FRMD4A: variants seen among roughly 807,000 people sequenced by gnomAD.
FRMD4A encodes the protein FERM domain-containing protein 4A.
In FRMD4A, 29 loss-of-function variants were observed where a neutral mutation model predicts 129.1. The ratio of observed to expected loss-of-function variants is 0.22; its 90% CI spans 0.17 to 0.31. FRMD4A has a LOEUF of 0.31. Ranked by LOEUF, FRMD4A falls within the 10% of genes least tolerant of loss-of-function variation. FRMD4A has a pLI of 1.00. For synonymous variants in FRMD4A, 634 were observed against 571.6 expected (o/e 1.11, Z -1.56); for missense variants, 1,272 against 1,375.8 (o/e 0.92, Z 1.19).
At chr10:13,868,666 G>C (rs2094403601) in intron 2 of FRMD4A, among the ~76,000 whole-genome samples, 1 of 152,094 alleles carries the variant, frequency 6.6e-6, no homozygotes, top group Non-Finnish European at 1.5e-5. Flanking sequence ...GGGCATGGCG[G>C]TGTGTGCCTA....
intron 2 of FRMD4A, among the ~76,000 whole-genome samples, chr10:14,144,698 G>T (rs1839993745): frequency 6.6e-6 from 1 of 152,134 alleles, no homozygotes; most frequent in South Asian, 2.1e-4. Flanking sequence ...GTAGAGATGG[G>T]ATAGTCGTCC....
At chr10:13,801,909 A>T (rs1196382543) in intron 4 of FRMD4A, among the ~76,000 whole-genome samples, 1 of 149,116 alleles carries the variant, frequency 6.7e-6, no homozygotes. Flanking sequence ...TCCTTAATAC[A>T]GTTTAACTAA....
At chr10:13,689,651 C>G (rs2085483218) in intron 15 of FRMD4A, among the ~76,000 whole-genome samples, 2 of 150,572 alleles carry the variant, frequency 1.3e-5, no homozygotes, top group South Asian at 4.2e-4. Flanking sequence ...CTCCTGGGCT[C>G]ACGTGATCCT....
In FRMD4A at chr10:13,903,263, C is replaced by G. The variant is rs939720537; in HGVS notation, c.46-44351G>C. ...GCTCCCCCCGTTCCTAATCCCTTTCCTAGTTTGTCTCCATTCTTTCTTTTG... is the reference window on the plus strand; with the variant it reads ...GCTCCCCCCGTTCCTAATCCCTTTCGTAGTTTGTCTCCATTCTTTCTTTTG... On this transcript the variant is annotated intron_variant, in intron 2 of 24. Transcript: ENST00000357447. 1.2e-4 allele frequency among the ~76,000 whole-genome samples: 18 copies of G among 152,196 alleles called. 1 individual carries two copies. The highest frequency in any genetic ancestry group is 4.1e-4 in the African/African-American group (17 of 41,450).
intron 2 of FRMD4A, among the ~76,000 whole-genome samples, chr10:14,039,328 G>A (rs1360523826): frequency 6.6e-6 from 1 of 151,986 alleles, no homozygotes; most frequent in Non-Finnish European, 1.5e-5. Context: ...TAATTGCTAA[G>A]TAAGATCTTT....
chr10:13,680,089 C>T (rs1412382385), intron 15 of FRMD4A, among the ~76,000 whole-genome samples: 1 of 152,170 alleles, frequency 6.6e-6, no homozygotes, highest in Non-Finnish European at 1.5e-5. Context: ...TGCCTTGATG[C>T]CCTCAAGTGA....
Position 13,968,720 on chromosome 10 carries a change from C to T in FRMD4A, c.46-109808G>A, listed in dbSNP as rs367841371. The stretch of plus-strand genomic sequence containing the variant: ...CCACCCACCTTGGCCTCCCAAAGTG[C>T]TAGGATTACAGGCGTGAGCCACTGC... On this transcript the variant is annotated intron_variant, in intron 2 of 24. Coordinates refer to ENST00000357447, the MANE Select transcript of FRMD4A (RefSeq NM_018027.5). Among the ~76,000 whole-genome samples, 4 of 152,338 alleles carry T rather than the reference C, an allele frequency of 2.6e-5. No homozygotes were observed. The East Asian group carries it at 7.7e-4, about 29-fold the overall frequency.
intron 15 of FRMD4A, among the ~76,000 whole-genome samples, chr10:13,691,913 G>A (rs1321841326): frequency 6.6e-6 from 1 of 152,170 alleles, no homozygotes; most frequent in Non-Finnish European, 1.5e-5. Context: ...ATTCGAGGTA[G>A]GGGTCTTGGT....
Position 13,777,947 on chromosome 10 carries a change from C to T in FRMD4A, c.384+4975G>A, listed in dbSNP as rs568518412. Among the ~76,000 whole-genome samples, 112 of 151,948 alleles carry T rather than the reference C, an allele frequency of 7.4e-4. 1 individual carries two copies. Among genetic ancestry groups the T allele is most frequent in the African/African-American group, 2.5e-3 (105 of 41,428 alleles). On this transcript the variant is annotated intron_variant, in intron 6 of 24. Coordinates refer to ENST00000357447, the MANE Select transcript of FRMD4A (RefSeq NM_018027.5). ...CCTCCCGAGTAGCTGGGATTACAGGCGCCTGCCACCACGCCCGGCTAACTT... is the reference window on the plus strand; with the variant it reads ...CCTCCCGAGTAGCTGGGATTACAGGTGCCTGCCACCACGCCCGGCTAACTT...
At chr10:13,680,707 C>A (rs760542635) in intron 15 of FRMD4A, among the ~76,000 whole-genome samples, 8 of 151,268 alleles carry the variant, frequency 5.3e-5, no homozygotes, top group Non-Finnish European at 1.0e-4. Context: ...GCCGGGGTGA[C>A]AGAGCGAGAC....
chr10:13,778,389 A>T (rs1228583179), intron 6 of FRMD4A, among the ~76,000 whole-genome samples: 2 of 152,140 alleles, frequency 1.3e-5, no homozygotes, highest in Non-Finnish European at 2.9e-5. Context: ...AAAACCCCAA[A>T]ATGCTGTCCT....
chr10:13,968,577 C>T (rs150311004), intron 2 of FRMD4A, among the ~76,000 whole-genome samples: 2,404 of 152,268 alleles, frequency 0.016, 67 homozygotes, highest in African/African-American at 0.054. Context: ...CTCAGCCTCC[C>T]GAGTACCTGG....
intron 2 of FRMD4A, among the ~76,000 whole-genome samples, chr10:14,281,829 A>G (rs1276103168): frequency 6.6e-6 from 1 of 152,222 alleles, no homozygotes; most frequent in Non-Finnish European, 1.5e-5. Flanking sequence ...TAGGTGGGGT[A>G]AACTCAAACA....
At chr10:14,080,850 C>T (rs1340397540) in intron 2 of FRMD4A, among the ~76,000 whole-genome samples, 2 of 151,594 alleles carry the variant, frequency 1.3e-5, no homozygotes, top group African/African-American at 4.8e-5. Flanking sequence ...AGGAACTGAT[C>T]TCCAGGAGAT....
intron 2 of FRMD4A, among the ~76,000 whole-genome samples, chr10:14,295,043 C>G (rs1012775357): frequency 1.3e-5 from 2 of 152,318 alleles, no homozygotes; most frequent in African/African-American, 4.8e-5. Flanking sequence ...GATTAATTCT[C>G]TCCCTCGTTA....
At chr10:14,136,351 A>C (rs535071556) in intron 2 of FRMD4A, among the ~76,000 whole-genome samples, 2 of 152,300 alleles carry the variant, frequency 1.3e-5, no homozygotes, top group East Asian at 3.9e-4. Flanking sequence ...GTGGACCTTG[A>C]GATGTTAACC....
At chr10:14,195,860 A>G (rs1432164550) in intron 2 of FRMD4A, among the ~76,000 whole-genome samples, 1 of 152,232 alleles carries the variant, frequency 6.6e-6, no homozygotes, top group Non-Finnish European at 1.5e-5. Flanking sequence ...GTCCTGTCAC[A>G]GTTCTTCACT....
intron 2 of FRMD4A, among the ~76,000 whole-genome samples, chr10:14,223,325 C>T (rs1308157859): frequency 6.6e-6 from 1 of 152,176 alleles, no homozygotes; most frequent in Non-Finnish European, 1.5e-5. Context: ...TTCCTTTCTT[C>T]CCCCATATCT....
chr10:13,806,538 A>ACC (rs1474190399), intron 4 of FRMD4A, among the ~76,000 whole-genome samples: 1 of 152,126 alleles, frequency 6.6e-6, no homozygotes, highest in Non-Finnish European at 1.5e-5. Context: ...TCGTTGCTAG[A>ACC]CCCCAACATT....
Sources: gnomAD v4.1 joint callset for allele counts (sites outside exome capture counted in the v4.1 genomes callset) on GRCh38, gnomAD v4.1.1 for gene constraint, MANE v1.5 for transcripts, NCBI Gene and HGNC (gene_info 2026-07-23, HGNC 2026-07-21) for gene names.